OLFM3: variants seen among roughly 807,000 people sequenced by gnomAD.
The protein encoded by OLFM3 is noelin-3.
A neutral mutation model predicts 48.6 loss-of-function variants in OLFM3; 20 were observed. That is an observed-to-expected ratio of 0.41 (90% CI 0.29 to 0.60). OLFM3 has a LOEUF of 0.60. Among genes scored for constraint, OLFM3 ranks in the 20% least tolerant of loss-of-function variants. The pLI is 0.28. For missense variants in OLFM3, 437 were observed against 544.3 expected (o/e 0.80, Z 1.96); for synonymous variants, 222 against 198.1 (o/e 1.12, Z -1.01).
chr1:101,916,156 T>C (rs1658918510), intron 1 of OLFM3, among the ~76,000 whole-genome samples: 1 of 152,164 alleles, frequency 6.6e-6, no homozygotes, highest in African/African-American at 2.4e-5. Context: ...CTCCTAATAA[T>C]AGTTATTGTG....
chr1:101,942,377 G>T (rs1659821990), intron 1 of OLFM3, among the ~76,000 whole-genome samples: 1 of 152,164 alleles, frequency 6.6e-6, no homozygotes, highest in Admixed American at 6.5e-5. Flanking sequence ...GCAAACTCAA[G>T]AAATTTAATT....
At chr1:101,807,969 T>C (rs1440624101) in intron 4 of OLFM3, among the ~76,000 whole-genome samples, 1 of 151,830 alleles carries the variant, frequency 6.6e-6, no homozygotes, top group Non-Finnish European at 1.5e-5. Flanking sequence ...TGAATGGTTC[T>C]AGTTGAGTAT....
chr1:101,906,494 C>CTG (rs1437782173), intron 1 of OLFM3, among the ~76,000 whole-genome samples: 1 of 152,064 alleles, frequency 6.6e-6, no homozygotes, highest in African/African-American at 2.4e-5. Context: ...TGAAGTTAAA[C>CTG]TGATTTCCAT....
intron 4 of OLFM3, among the ~76,000 whole-genome samples, chr1:101,821,343 C>G (rs1654598480): frequency 6.6e-6 from 1 of 151,906 alleles, no homozygotes; most frequent in African/African-American, 2.4e-5. Context: ...TATTTATGCA[C>G]TATATATAAT....
At chr1:101,945,961 G>A (rs1176559704) in intron 1 of OLFM3, among the ~76,000 whole-genome samples, 1 of 152,148 alleles carries the variant, frequency 6.6e-6, no homozygotes, top group Non-Finnish European at 1.5e-5. Flanking sequence ...CAGGGACATG[G>A]CAAGAGTCTG....
chr1:101,937,286 A>C (rs1277113266), intron 1 of OLFM3, among the ~76,000 whole-genome samples: 1 of 152,156 alleles, frequency 6.6e-6, no homozygotes, highest in African/African-American at 2.4e-5. Flanking sequence ...CGTCTATTCC[A>C]GCTGAAGTGA....
At chr1:101,942,881 AT>A (rs2101061343) in intron 1 of OLFM3, among the ~76,000 whole-genome samples, 1 of 152,252 alleles carries the variant, frequency 6.6e-6, no homozygotes, top group Non-Finnish European at 1.5e-5. Flanking sequence ...TTAGATCATA[AT>A]TTTTTCTTTG....
chr1:101,918,614 C>G (rs1658999408), intron 1 of OLFM3, among the ~76,000 whole-genome samples: 1 of 150,232 alleles, frequency 6.7e-6, no homozygotes, highest in Non-Finnish European at 1.5e-5. Flanking sequence ...TAATCCCACT[C>G]AAATAATGCA....
chr1:101,909,655 C>G (rs1658681207), intron 1 of OLFM3, among the ~76,000 whole-genome samples: 1 of 152,262 alleles, frequency 6.6e-6, no homozygotes, highest in South Asian at 2.1e-4. Flanking sequence ...TTAATTATAT[C>G]TTTTAAATAT....
At chr1:101,917,801 T>C (rs908861626) in intron 1 of OLFM3, among the ~76,000 whole-genome samples, 2 of 152,172 alleles carry the variant, frequency 1.3e-5, no homozygotes, top group African/African-American at 4.8e-5. Flanking sequence ...TTCCCATAAT[T>C]AAAAATATAC....
At chr1:101,826,136 A>G (rs950609008) in intron 3 of OLFM3, among the ~76,000 whole-genome samples, 135 of 107,890 alleles carry the variant, frequency 1.3e-3, no homozygotes, top group Non-Finnish European at 1.5e-3. Flanking sequence ...TCAAACACAC[A>G]CACACACACA....
chr1:101,946,847 T>C (rs929022393), intron 1 of OLFM3, among the ~76,000 whole-genome samples: 20 of 152,304 alleles, frequency 1.3e-4, no homozygotes, highest in Non-Finnish European at 2.5e-4. Context: ...AATAAGTGTA[T>C]ACTTACAATG....
chr1:101,968,867 T>C (rs1224146190), intron 1 of OLFM3, among the ~76,000 whole-genome samples: 2 of 152,222 alleles, frequency 1.3e-5, no homozygotes, highest in African/African-American at 4.8e-5. Context: ...TTTTGATTCA[T>C]AGAATTTTAG....
chr1:101,805,003 AT>A (rs2100857707), intron 5 of OLFM3, 88 bp from the exon 6 acceptor site: 1 of 1,024,522 alleles, frequency 9.8e-7, no homozygotes, highest in South Asian at 1.6e-5. Context: ...GTCAACACTT[AT>A]TATAATTCTC....
intron 1 of OLFM3, among the ~76,000 whole-genome samples, chr1:101,928,565 A>G (rs1011726079): frequency 1.3e-5 from 2 of 152,134 alleles, no homozygotes; most frequent in Non-Finnish European, 2.9e-5. Flanking sequence ...AGAACTTGAG[A>G]AAACTCATTA....
At chr1:101,881,533 T>G (rs368581457) in intron 1 of OLFM3, among the ~76,000 whole-genome samples, 2 of 151,948 alleles carry the variant, frequency 1.3e-5, no homozygotes, top group Non-Finnish European at 1.5e-5. Context: ...TCAGTGCTTA[T>G]TTTTTAAACT....
chr1:101,904,072 A>G (rs923074927), intron 1 of OLFM3, among the ~76,000 whole-genome samples: 3 of 152,078 alleles, frequency 2.0e-5, no homozygotes, highest in Admixed American at 6.6e-5. Flanking sequence ...CATAACAACT[A>G]TTATTTACTA....
chr1:101,933,848 T>G (rs1487797770), intron 1 of OLFM3, among the ~76,000 whole-genome samples: 2 of 152,194 alleles, frequency 1.3e-5, no homozygotes, highest in African/African-American at 4.8e-5. Flanking sequence ...AAGAAGAATT[T>G]TGTATCAGGC....
chr1:101,931,392 C>G (rs1659441364), intron 1 of OLFM3, among the ~76,000 whole-genome samples: 3 of 152,168 alleles, frequency 2.0e-5, no homozygotes, highest in Admixed American at 1.3e-4. Flanking sequence ...GCTGGTGACA[C>G]TTTCCCCTGC....
Sources: allele counts gnomAD v4.1 joint callset (sites outside exome capture counted in the v4.1 genomes callset), GRCh38; gene constraint gnomAD v4.1.1; transcripts MANE v1.5; gene names NCBI Gene and HGNC (gene_info 2026-07-23, HGNC 2026-07-21).